PLEKHA7: variants seen among roughly 807,000 people sequenced by gnomAD.
PLEKHA7 encodes pleckstrin homology domain containing A7.
In PLEKHA7, 104 loss-of-function variants were observed where a neutral mutation model predicts 170.0. The observed-to-expected ratio is 0.61, with a 90% CI of 0.52 to 0.72. The LOEUF is 0.72. Ranked by LOEUF, PLEKHA7 falls within the 30% of genes least tolerant of loss-of-function variation. The probability of loss-of-function intolerance (pLI) is 0.00; values close to 1 mark genes in which losing one functional copy is unlikely to be tolerated. For synonymous variants in PLEKHA7, 648 were observed against 660.8 expected (o/e 0.98, Z 0.30); for missense variants, 1,615 against 1,671.7 (o/e 0.97, Z 0.59).
rs753225697 is a variant in PLEKHA7, at chr11:16,813,153, T to C, written c.1967A>G (p.Tyr656Cys). Reference protein sequence around the residue: ...SLHGKSADDTYLQLKKDLEYL... With the variant: ...SLHGKSADDTCLQLKKDLEYL... ...CTCCAGGTCTTTCTTCAGCTGGAGG[T>C]AGGTATCATCAGCCTTCAAATGAAG... The change falls in exon 13 of 27, where the codon TAC (tyrosine) becomes TGC (cysteine). Residue 656 changes from tyrosine (Y) to cysteine (C), a missense_variant. Tyr to Cys is a radical substitution (Grantham distance 194). Coordinates refer to ENST00000531066, the MANE Select transcript of PLEKHA7 (RefSeq NM_001329630.2). The C allele has an allele frequency of 6.2e-7, 1 of 1,613,448 alleles. No homozygotes were observed. The highest frequency in any genetic ancestry group is 8.5e-7 in the Non-Finnish European group (1 of 1,179,504).
At chr11:16,915,774 T>C (rs981662408) in intron 3 of PLEKHA7, among the ~76,000 whole-genome samples, 4 of 150,290 alleles carry the variant, frequency 2.7e-5, no homozygotes, top group African/African-American at 9.8e-5. Flanking sequence ...GTTGGACATT[T>C]GGGTTGGTTC....
At chr11:16,966,090 G>T (rs1200414839) in intron 3 of PLEKHA7, among the ~76,000 whole-genome samples, 1 of 152,174 alleles carries the variant, frequency 6.6e-6, no homozygotes, top group Non-Finnish European at 1.5e-5. Context: ...GGCTGAGGCA[G>T]GAGAATCACT....
chr11:16,945,596 A>ATT (rs1216756973), intron 3 of PLEKHA7, among the ~76,000 whole-genome samples: 1 of 152,226 alleles, frequency 6.6e-6, no homozygotes, highest in African/African-American at 2.4e-5. Context: ...AGATCACTGG[A>ATT]TTTTATCAGC....
At chr11:16,909,020 C>T (rs561823409) in intron 3 of PLEKHA7, among the ~76,000 whole-genome samples, 29 of 152,238 alleles carry the variant, frequency 1.9e-4, no homozygotes, top group Admixed American at 6.5e-4. Flanking sequence ...AGTTCTCCCC[C>T]CTACTCTGTG....
At chr11:16,946,446 G>T (rs118096457) in intron 3 of PLEKHA7, among the ~76,000 whole-genome samples, 7 of 152,106 alleles carry the variant, frequency 4.6e-5, no homozygotes, top group African/African-American at 9.7e-5. Flanking sequence ...GTGGAGGGGA[G>T]GGGGGGACTT....
At chr11:16,806,282 A>G (rs1189475790) in intron 13 of PLEKHA7, among the ~76,000 whole-genome samples, 2 of 152,218 alleles carry the variant, frequency 1.3e-5, no homozygotes, top group Non-Finnish European at 1.5e-5. Context: ...TCTGCTCCAG[A>G]CAGCCGAGGC....
intron 3 of PLEKHA7, among the ~76,000 whole-genome samples, chr11:16,967,293 T>A (rs985925245): frequency 6.6e-6 from 1 of 152,186 alleles, no homozygotes. Context: ...CAGCAACCTC[T>A]AGGATAGCGC....
At chr11:16,859,808 C>G (rs1374765725) in intron 4 of PLEKHA7, among the ~76,000 whole-genome samples, 1 of 152,234 alleles carries the variant, frequency 6.6e-6, no homozygotes, top group African/African-American at 2.4e-5. Context: ...GCATTCAGTT[C>G]CCAGCAGCAT....
chr11:16,947,858 G>A (rs557495675), intron 3 of PLEKHA7, among the ~76,000 whole-genome samples: 127 of 149,572 alleles, frequency 8.5e-4, no homozygotes, highest in African/African-American at 3.1e-3. Context: ...AGAGGCTGCA[G>A]TGAGCCGAGA....
At chr11:16,826,656 AC>A (rs1850680727) in intron 9 of PLEKHA7, 66 bp from the exon 10 acceptor site, 1 of 1,405,828 alleles carries the variant, frequency 7.1e-7, no homozygotes, top group South Asian at 1.3e-5. Flanking sequence ...TGCACTGTAC[AC>A]TCAATCACCT....
chr11:16,972,160 T>C (rs1862759154), intron 3 of PLEKHA7, among the ~76,000 whole-genome samples: 1 of 152,078 alleles, frequency 6.6e-6, no homozygotes, highest in South Asian at 2.1e-4. Context: ...TCTCACTCTG[T>C]CTCCCTCGCT....
chr11:16,844,035 G>A lies in PLEKHA7; in HGVS notation c.697-2313C>T, dbSNP rs115408497. ...TCTTGGAAAATATCCCCTGGACCAT[G>A]ATCACACAAGATCTCTGACACACTC... On this transcript the variant is annotated intron_variant, in intron 8 of 26. Transcript: ENST00000531066. 9.1e-3 allele frequency among the ~76,000 whole-genome samples: 1,388 copies of A among 152,242 alleles called. 17 individuals are homozygous for A. The highest frequency in any genetic ancestry group is 0.031 in the African/African-American group (1,306 of 41,532).
Position 16,816,870 on chromosome 11 carries a change from G to A in PLEKHA7, c.1796C>T (p.Pro599Leu), listed in dbSNP as rs200150073. ...GATGTCCACACTCCTCCTCTGGTCC[G>A]GTGGCTTCACTGTGACTCGCTCTGC... ...TPAERVTVKP[P>L]DQRRSVDISL... The change falls in exon 11 of 27, where the codon CCG (proline) becomes CTG (leucine). Residue 599 changes from proline to leucine, a missense_variant. Physicochemically the swap from Pro to Leu is moderately conservative, Grantham distance 98. Transcript: ENST00000531066. 264 of 1,614,126 alleles carry A rather than the reference G, an allele frequency of 1.6e-4. 1 individual carries two copies. Among genetic ancestry groups the A allele is most frequent in the South Asian group, 1.9e-4 (17 of 91,080 alleles).
At chr11:16,819,621 T>C (rs1850057552) in intron 10 of PLEKHA7, among the ~76,000 whole-genome samples, 1 of 152,248 alleles carries the variant, frequency 6.6e-6, no homozygotes, top group Admixed American at 6.5e-5. Context: ...ACTCAAAGTG[T>C]GGCCTGTGTG....
At chr11:16,929,498 G>A (rs1343618025) in intron 3 of PLEKHA7, among the ~76,000 whole-genome samples, 1 of 152,214 alleles carries the variant, frequency 6.6e-6, no homozygotes, top group Non-Finnish European at 1.5e-5. Flanking sequence ...CACACCTGGT[G>A]TGCCACCAAG....
intron 3 of PLEKHA7, among the ~76,000 whole-genome samples, chr11:16,943,912 C>T (rs1364088337): frequency 6.6e-6 from 1 of 152,166 alleles, no homozygotes; most frequent in Non-Finnish European, 1.5e-5. Context: ...ATTTAAAATA[C>T]AGATTTCCAG....
chr11:16,841,612 G>A lies in PLEKHA7; in HGVS notation c.807C>T (p.Asp269=), dbSNP rs1851966990. 2.5e-6 allele frequency: 4 copies of A among 1,613,986 alleles called. No individual in the cohort carries two copies. The highest frequency in any genetic ancestry group is 3.4e-6 in the Non-Finnish European group (4 of 1,180,032). ...TYYFSADTQE[D]MNAWVRAMNQ... is the part of the protein sequence containing the mutation. Reference sequence around the variant, plus strand: ...TCATGGCCCTGACCCAAGCGTTCATGTCCTCCTGGGTGTCGGCACTGAAGT... The same window carrying A: ...TCATGGCCCTGACCCAAGCGTTCATATCCTCCTGGGTGTCGGCACTGAAGT... Residue 269 remains aspartate, a synonymous_variant, in exon 9 of 27, where the codon GAC becomes GAT. Transcript: ENST00000531066.
chr11:17,002,043 G>A (rs1425634452), intron 3 of PLEKHA7, among the ~76,000 whole-genome samples: 1 of 152,186 alleles, frequency 6.6e-6, no homozygotes, highest in Non-Finnish European at 1.5e-5. Flanking sequence ...GGCGGGAGAG[G>A]GTGCCTCTCC....
rs764137975 is a variant in PLEKHA7, at chr11:16,789,463, C to T, written c.3157-167G>A. The T allele has an allele frequency of 4.5e-6, 3 of 670,852 alleles. No individual in the cohort carries two copies. The highest frequency in any genetic ancestry group is 2.7e-5 in the East Asian group (1 of 36,772). 41.6% of individuals were successfully genotyped at this position (670,852 alleles called of 1,614,324 possible). On this transcript the variant is annotated intron_variant, in intron 22 of 26. Transcript: ENST00000531066. The surrounding 1 kb of genome is among the most constrained non-coding windows in gnomAD (Gnocchi z 4.6). The stretch of plus-strand genomic sequence containing the variant: ...ACTATTTCCTCTAAGCAACACGATG[C>T]CCCCAACCCTCAGGAGCTTTCTGAG...
Sources: gnomAD v4.1 joint callset for allele counts (sites outside exome capture counted in the v4.1 genomes callset) on GRCh38, gnomAD v4.1.1 for gene constraint, Gnocchi (gnomAD v3.1) non-coding constraint, MANE v1.5 for transcripts, NCBI Gene and HGNC (gene_info 2026-07-23, HGNC 2026-07-21) for gene names.